Variants in GATA1 observed in about 807,000 individuals in gnomAD.
The protein encoded by GATA1 is GATA binding protein 1, also known as erythroid transcription factor.
A neutral mutation model predicts 18.9 loss-of-function variants in GATA1; 2 were observed. The observed-to-expected ratio is 0.11, with a 90% CI of 0.04 to 0.33. The LOEUF is 0.33. Ranked by LOEUF, GATA1 falls within the 10% of genes least tolerant of loss-of-function variation. The pLI is 1.00. For missense variants in GATA1, 272 were observed against 344.7 expected, an observed-to-expected ratio of 0.79 and a Z score of 1.67; for synonymous variants, 152 against 149.1, an observed-to-expected ratio of 1.02 and a Z score of -0.14.
chrX:48,793,011 C>CT (rs1557020403), intron 4 of GATA1, among the ~76,000 whole-genome samples, 161 bp from the exon 5 acceptor site: 1 of 111,436 alleles, frequency 9.0e-6, no homozygotes, highest in African/African-American at 3.3e-5. Flanking sequence ...ATAGGAACCC[C>CT]TGTACTGGCC....
intron 5 of GATA1, 120 bp downstream of exon 5, chrX:48,793,417 T>G: frequency 1.6e-6 from 1 of 631,806 alleles, no homozygotes; most frequent in Non-Finnish European, 2.4e-6. Flanking sequence ...TCTTTCCCCT[T>G]TCCCTCCTTC....
In GATA1 at chrX:48,794,095, G is replaced by A. The variant is rs61735969; in HGVS notation, c.1173G>A (p.Thr391=). The part of the protein sequence containing the change: ...PFPGPLLGSP[T]GSFPTGPMPP... ...CTGGACCCCTACTGGGCTCACCCACGGGCTCCTTCCCCACAGGCCCCATGC... is the reference window on the plus strand; with the variant it reads ...CTGGACCCCTACTGGGCTCACCCACAGGCTCCTTCCCCACAGGCCCCATGC... Residue 391 remains threonine, a synonymous_variant, in exon 6 of 6, where the codon ACG becomes ACA. Transcript: ENST00000376670. The A allele has an allele frequency of 4.8e-4, 569 of 1,197,294 alleles. No homozygotes were observed. In the African/African-American group the frequency reaches 8.9e-3, roughly 19 times the overall value.
intron 2 of GATA1, 34 bp downstream of exon 2, chrX:48,791,363 T>C: frequency 8.9e-7 from 1 of 1,117,579 alleles, no homozygotes; most frequent in Non-Finnish European, 1.2e-6. Flanking sequence ...TGGCATTGGC[T>C]GAGTGCTGTT....
chrX:48,791,739 C>G lies in GATA1; in HGVS notation c.221-105C>G, dbSNP rs1557020139. On this transcript the variant is annotated intron_variant, in intron 2 of 5. Transcript: ENST00000376670. ...TGGTAGCCTGTGGAAAAGCTGGGAA[C>G]TTGGCCACCATGTTGGGGGTGCTGG... 3.0e-6 allele frequency: 3 copies of G among 985,636 alleles called. No homozygotes were observed. In the Admixed American group the frequency reaches 6.7e-5, roughly 22 times the overall value. The allele number at this position is 985,636 out of a possible 1,213,427, so 81.2% of individuals were successfully genotyped here. A position where few individuals can be genotyped will look rare whatever the true frequency, so the allele number is the denominator to read the frequency against.
intron 5 of GATA1, among the ~76,000 whole-genome samples, chrX:48,793,575 A>G (rs782688893): frequency 1.6e-4 from 16 of 102,231 alleles, no homozygotes; most frequent in Non-Finnish European, 3.0e-4. Flanking sequence ...TCCAGGCATC[A>G]GCTAATGTCC....
chrX:48,788,855 A>G (rs1282528253), intron 1 of GATA1, among the ~76,000 whole-genome samples: 2 of 110,896 alleles, frequency 1.8e-5, no homozygotes, highest in Admixed American at 9.6e-5. Context: ...AGGGAAACAG[A>G]GGGAACAGAC....
intron 1 of GATA1, among the ~76,000 whole-genome samples, chrX:48,789,127 CAA>C (rs782292113): frequency 7.0e-4 from 78 of 111,326 alleles, no homozygotes; most frequent in African/African-American, 2.5e-3. Context: ...GCCAACATGG[CAA>C]AACCTCGTCT....
chrX:48,793,035 T>C (rs2062679525), intron 4 of GATA1, 137 bp from the exon 5 acceptor site: 4 of 639,296 alleles, frequency 6.3e-6, no homozygotes, highest in Non-Finnish European at 1.0e-5. Flanking sequence ...TACAGAATCC[T>C]CAGGCATCAC....
chrX:48,789,302 G>A (rs1409032299), intron 1 of GATA1, among the ~76,000 whole-genome samples: 7 of 96,304 alleles, frequency 7.3e-5, no homozygotes, highest in Non-Finnish European at 4.2e-5. Flanking sequence ...GTGAGACTCC[G>A]TCTCAAAAAA....
In GATA1 at chrX:48,794,071, T is replaced by C; in HGVS notation, c.1149T>C (p.Pro383=). 1.7e-6 allele frequency: 2 copies of C among 1,210,139 alleles called. No individual in the cohort carries two copies. Among genetic ancestry groups the C allele is most frequent in the Non-Finnish European group, 2.2e-6 (2 of 894,603 alleles). ...SGPVSHLMPF[P]GPLLGSPTGS... is the part of the protein sequence containing the mutation. The stretch of plus-strand genomic sequence containing the variant: ...CTGTTAGCCACCTCATGCCTTTCCC[T>C]GGACCCCTACTGGGCTCACCCACGG... Residue 383 remains proline (P), a synonymous_variant, in exon 6 of 6, where the codon CCT becomes CCC. Transcript: ENST00000376670.
At chrX:48,793,076 C>G (rs2062679563) in intron 4 of GATA1, 96 bp from the exon 5 acceptor site, 1 of 978,479 alleles carries the variant, frequency 1.0e-6, no homozygotes, top group Non-Finnish European at 1.4e-6. Flanking sequence ...TTCAACCTGA[C>G]CCTCACTTCT....
intron 2 of GATA1, 25 bp from the exon 3 acceptor site, chrX:48,791,819 C>T: frequency 8.3e-7 from 1 of 1,210,347 alleles, no homozygotes; most frequent in Non-Finnish European, 1.1e-6. Flanking sequence ...CTCTTCTTTC[C>T]TCCATCCCTA....
rs1170375325 is a variant in GATA1 at position 48,791,297 on chromosome X, A to G, written c.188A>G (p.Tyr63Cys). The G allele has an allele frequency of 8.3e-7, 1 of 1,203,417 alleles. No homozygotes were observed. Among genetic ancestry groups the G allele is most frequent in the Non-Finnish European group, 1.1e-6 (1 of 891,949 alleles). Residue 63 changes from tyrosine to cysteine, a missense_variant, in exon 2 of 6, where the codon TAC becomes TGC. By Grantham distance (194) the Tyr-to-Cys change is radical. Transcript: ENST00000376670. ...GCTGCAGCTGCGGCACTGGCCTACT[A>G]CAGGGACGCTGAGGCCTACAGACAC... ...ATAAAAALAY[Y>C]RDAEAYRHSP... is the part of the protein sequence containing the mutation.
At chrX:48,790,591 A>G (rs1163919720) in intron 1 of GATA1, among the ~76,000 whole-genome samples, 1 of 107,827 alleles carries the variant, frequency 9.3e-6, no homozygotes, top group African/African-American at 3.4e-5. Context: ...GGAAAAGAAG[A>G]AGGTGGAGGA....
rs1557020675 is a variant in GATA1, at chrX:48,794,197, G to C, written c.*33G>C. 1 of 1,194,612 alleles carries C rather than the reference G, an allele frequency of 8.4e-7. No individual in the cohort carries two copies. The highest frequency in any genetic ancestry group is 1.1e-6 in the Non-Finnish European group (1 of 885,700). ...GAGCATGGCCTCCAGAGGAGGGGTG[G>C]TGTCCTTCTCCTCTTGTAGCCAGAA... is the stretch of plus-strand genomic sequence containing the variant. On this transcript the variant is annotated 3_prime_UTR_variant, in exon 6 of 6. Coordinates refer to ENST00000376670, the MANE Select transcript of GATA1 (RefSeq NM_002049.4).
In GATA1 at chrX:48,794,181, C is replaced by G; in HGVS notation, c.*17C>G. 1 of 1,191,335 alleles carries G rather than the reference C, an allele frequency of 8.4e-7. No individual in the cohort carries two copies. The highest frequency in any genetic ancestry group is 1.1e-6 in the Non-Finnish European group (1 of 884,667). On this transcript the variant is annotated 3_prime_UTR_variant, in exon 6 of 6. Transcript: ENST00000376670. ...AGCTCATGAGGGCACAGAGCATGGC[C>G]TCCAGAGGAGGGGTGGTGTCCTTCT...
chrX:48,794,282 T>C lies in GATA1; in HGVS notation c.*118T>C. On this transcript the variant is annotated 3_prime_UTR_variant, in exon 6 of 6. Coordinates refer to ENST00000376670, the MANE Select transcript of GATA1 (RefSeq NM_002049.4). ...CCCCTGGCTTGAACCTTCAAAGCTT[T>C]TGTAAAATAAAACCACCAAAGTCCT... The C allele has an allele frequency of 1.1e-6, 1 of 898,073 alleles. No individual in the cohort carries two copies. The allele number at this position is 898,073 out of a possible 1,213,427, so 74.0% of individuals were successfully genotyped here. A position where few individuals can be genotyped will look rare whatever the true frequency, so the allele number is the denominator to read the frequency against.
intron 2 of GATA1, 59 bp downstream of exon 2, chrX:48,791,388 G>C: frequency 1.0e-6 from 1 of 995,510 alleles, no homozygotes; most frequent in Non-Finnish European, 1.4e-6. Context: ...TTGCCATGGA[G>C]ATCCTTGGCT....
chrX:48,790,186 C>T (rs2062669793), intron 1 of GATA1, among the ~76,000 whole-genome samples: 1 of 110,469 alleles, frequency 9.1e-6, no homozygotes, highest in South Asian at 3.8e-4. Flanking sequence ...GAAGTGGTGG[C>T]TCACACCTGT....
Sources: gnomAD v4.1 joint callset for allele counts (sites outside exome capture counted in the v4.1 genomes callset) on GRCh38, gnomAD v4.1.1 for gene constraint, MANE v1.5 for transcripts, NCBI Gene and HGNC (gene_info 2026-07-23, HGNC 2026-07-21) for gene names.